Variants in ATP10A observed in about 807,000 individuals in gnomAD.
ATP10A encodes the protein phospholipid-transporting ATPase VA.
A neutral mutation model predicts 147.8 loss-of-function variants in ATP10A; 111 were observed. The observed-to-expected ratio is 0.75, with a 90% CI of 0.64 to 0.88. The LOEUF (loss-of-function observed/expected upper bound fraction) is 0.88, where lower values mean the gene tolerates loss of function less well. Among genes scored for constraint, ATP10A ranks in the 40% least tolerant of loss-of-function variants. The probability of loss-of-function intolerance (pLI) is 0.00; values close to 1 mark genes in which losing one functional copy is unlikely to be tolerated. For synonymous variants in ATP10A, 875 were observed against 841.6 expected (o/e 1.04, Z -0.69); for missense variants, 1,927 against 1,959.0 (o/e 0.98, Z 0.31).
intron 1 of ATP10A, among the ~76,000 whole-genome samples, chr15:25,786,525 T>C (rs1328120108): frequency 3.3e-5 from 5 of 151,346 alleles, no homozygotes; most frequent in African/African-American, 4.9e-5. Context: ...ACAAAGGCCA[T>C]GGACGACTAA....
chr15:25,714,389 C>T (rs1295553897), intron 9 of ATP10A, 148 bp from the exon 10 acceptor site: 3 of 702,346 alleles, frequency 4.3e-6, no homozygotes, highest in Non-Finnish European at 4.7e-6. Flanking sequence ...TTCCCATTTC[C>T]CAGATTTCAG....
chr15:25,719,969 T>G (rs936214504), intron 7 of ATP10A, among the ~76,000 whole-genome samples: 5 of 152,188 alleles, frequency 3.3e-5, no homozygotes, highest in Non-Finnish European at 7.3e-5. Context: ...AATAGCTAGC[T>G]GATCCAGGCA....
intron 2 of ATP10A, among the ~76,000 whole-genome samples, chr15:25,769,232 A>G (rs1889202290): frequency 6.6e-6 from 1 of 152,074 alleles, no homozygotes; most frequent in Non-Finnish European, 1.5e-5. Flanking sequence ...TACACCTGTA[A>G]TCCCAGCACT....
At chr15:25,804,191 T>C (rs1321541634) in intron 1 of ATP10A, among the ~76,000 whole-genome samples, 17 of 150,930 alleles carry the variant, frequency 1.1e-4, no homozygotes, top group Admixed American at 9.9e-4. Context: ...TGTGTTTGTA[T>C]GTAGCTTGGT....
intron 1 of ATP10A, among the ~76,000 whole-genome samples, chr15:25,797,083 CCTGT>C (rs747098912): frequency 1.3e-5 from 2 of 152,280 alleles, no homozygotes; most frequent in African/African-American, 4.8e-5. Context: ...AACGACTCCT[CCTGT>C]CTAAGGGAAA....
intron 6 of ATP10A, 50 bp from the exon 7 acceptor site, chr15:25,721,959 T>G: frequency 6.4e-7 from 1 of 1,560,832 alleles, no homozygotes; most frequent in Non-Finnish European, 8.8e-7. Flanking sequence ...ACCAGGGAGC[T>G]GGGGAATTAC....
intron 2 of ATP10A, among the ~76,000 whole-genome samples, chr15:25,754,826 G>A (rs1267534279): frequency 2.6e-5 from 4 of 152,152 alleles, no homozygotes; most frequent in Non-Finnish European, 5.9e-5. Context: ...AAACGTTCCA[G>A]ATGAACAAAA....
chr15:25,862,908 C>T lies in ATP10A; in HGVS notation c.189G>A (p.Arg63=), dbSNP rs1005401680. ...GCAGCGTGTACTTGGTAGTCTTGAG[C>T]CGGTTGTCGGCCAGGTGCTGGGCAC... ...RGCAQHLADN[R]LKTTKYTLLS... Residue 63 remains arginine (R), a synonymous_variant, in exon 1 of 21, where the codon CGG becomes CGA. Transcript: ENST00000555815. The T allele has an allele frequency of 2.5e-6, 4 of 1,609,000 alleles. No individual in the cohort carries two copies. The highest frequency in any genetic ancestry group is 2.7e-5 in the African/African-American group (2 of 74,790).
chr15:25,706,558 C>A (rs544905714), intron 12 of ATP10A, among the ~76,000 whole-genome samples: 2 of 152,200 alleles, frequency 1.3e-5, no homozygotes, highest in African/African-American at 4.8e-5. Context: ...CAGGGCTGGA[C>A]AACTGAGTCA....
At chr15:25,862,144 C>T in intron 1 of ATP10A, 1 of 395,584 alleles carries the variant, frequency 2.5e-6, no homozygotes, top group Non-Finnish European at 5.2e-6. Flanking sequence ...GGTACCTGGG[C>T]CGTGCCAGAC....
chr15:25,738,734 G>A (rs1244600056), intron 2 of ATP10A: 1 of 152,170 alleles, frequency 6.6e-6, no homozygotes, highest in Non-Finnish European at 1.5e-5. Flanking sequence ...TAATTCGTGA[G>A]GGCACTGCCA....
At chr15:25,705,181 C>T (rs1900902487) in intron 12 of ATP10A, among the ~76,000 whole-genome samples, 1 of 152,284 alleles carries the variant, frequency 6.6e-6, no homozygotes, top group Non-Finnish European at 1.5e-5. Flanking sequence ...GGGCACACGC[C>T]TGTAATCCCA....
downstream of ATP10A, chr15:25,677,902 G>A (rs997544114): frequency 2.0e-5 from 3 of 152,420 alleles, no homozygotes; most frequent in African/African-American, 7.2e-5. Flanking sequence ...TGCAGGGTGA[G>A]GCTGAGGAAA....
At chr15:25,838,955 G>A (rs376060493) in intron 1 of ATP10A, among the ~76,000 whole-genome samples, 27 of 152,264 alleles carry the variant, frequency 1.8e-4, no homozygotes, top group East Asian at 1.7e-3. Flanking sequence ...GGAGCAATGC[G>A]TCTAACCACA....
chr15:25,853,991 T>A (rs79036909), intron 1 of ATP10A, among the ~76,000 whole-genome samples: 10 of 151,158 alleles, frequency 6.6e-5, no homozygotes, highest in South Asian at 4.2e-4. Flanking sequence ...CTTGATTGGT[T>A]CCTACTGACC....
intron 1 of ATP10A, among the ~76,000 whole-genome samples, chr15:25,857,280 T>C (rs958006226): frequency 6.6e-6 from 1 of 152,088 alleles, no homozygotes; most frequent in South Asian, 2.1e-4. Flanking sequence ...CTTATCTCTA[T>C]GAAATTTTTA....
intron 1 of ATP10A, chr15:25,841,421 T>C (rs1892807682): frequency 6.6e-6 from 1 of 152,148 alleles, no homozygotes; most frequent in Admixed American, 6.5e-5. Context: ...CTCTGGTTCA[T>C]TACATATGTG....
downstream of ATP10A, among the ~76,000 whole-genome samples, chr15:25,672,373 T>A (rs1899062197): frequency 6.6e-6 from 1 of 152,242 alleles, no homozygotes; most frequent in Non-Finnish European, 1.5e-5. Context: ...CATATTTTTG[T>A]TTATTCATTC....
chr15:25,854,520 C>A (rs1490407329), intron 1 of ATP10A, among the ~76,000 whole-genome samples: 1 of 152,210 alleles, frequency 6.6e-6, no homozygotes, highest in Admixed American at 6.5e-5. Context: ...ATACCAAGTG[C>A]ATATGACAAC....
Sources: allele counts gnomAD v4.1 joint callset (sites outside exome capture counted in the v4.1 genomes callset), GRCh38; gene constraint gnomAD v4.1.1; transcripts MANE v1.5; gene names NCBI Gene and HGNC (gene_info 2026-07-23, HGNC 2026-07-21).